The following FAAH2 variants were observed in gnomAD, a reference collection of about 807,000 sequenced individuals.
FAAH2 encodes fatty acid amide hydrolase 2.
A neutral mutation model predicts 36.9 loss-of-function variants in FAAH2; 60 were observed. The ratio of observed to expected loss-of-function variants is 1.63; its 90% CI spans 1.32 to 2.02. The LOEUF is 2.02. Ranked by LOEUF, FAAH2 falls within the 30% of genes most tolerant of loss-of-function variation. The pLI is 0.00. For synonymous variants in FAAH2, 214 were observed against 143.8 expected, an observed-to-expected ratio of 1.49 and a Z score of -3.49; for missense variants, 689 against 397.5, an observed-to-expected ratio of 1.73 and a Z score of -6.23.
chrX:57,301,126 G>A (rs1193352299), intron 2 of FAAH2, among the ~76,000 whole-genome samples: 1 of 108,543 alleles, frequency 9.2e-6, no homozygotes, highest in Admixed American at 9.9e-5. Context: ...ATACCCAAAG[G>A]ATTATAAATC....
chrX:57,340,684 T>C lies in FAAH2; in HGVS notation c.623-587T>C, dbSNP rs763736350. On this transcript the variant is annotated intron_variant, in intron 4 of 10. Coordinates refer to ENST00000374900, the MANE Select transcript of FAAH2 (RefSeq NM_174912.4). Reference sequence around the variant, plus strand: ...GAAGCCATTATTCTCAGTAAACGAATGCAGGGATAGAAAAGCAAACACAGC... The same window carrying C: ...GAAGCCATTATTCTCAGTAAACGAACGCAGGGATAGAAAAGCAAACACAGC... 4.5e-5 allele frequency among the ~76,000 whole-genome samples: 5 copies of C among 111,777 alleles called. No individual in the cohort carries two copies. In the South Asian group the frequency reaches 1.9e-3, roughly 42 times the overall value.
intron 10 of FAAH2, among the ~76,000 whole-genome samples, chrX:57,468,260 G>A (rs757785260): frequency 4.5e-5 from 5 of 112,058 alleles, no homozygotes; most frequent in South Asian, 7.4e-4. Context: ...TGACTTTGAC[G>A]AGTTGAGAGA....
intron 5 of FAAH2, among the ~76,000 whole-genome samples, chrX:57,351,397 C>T (rs764486452): frequency 9.0e-6 from 1 of 111,032 alleles, no homozygotes; most frequent in African/African-American, 3.2e-5. Context: ...ACAAAGATTA[C>T]AAAGTAACAA....
intron 7 of FAAH2, among the ~76,000 whole-genome samples, chrX:57,428,099 A>G (rs1387252974): frequency 8.9e-6 from 1 of 112,038 alleles, no homozygotes; most frequent in African/African-American, 3.2e-5. Context: ...TTTACCAGTA[A>G]TAATCAAGCT....
At chrX:57,399,909 T>G (rs1237980001) in intron 7 of FAAH2, among the ~76,000 whole-genome samples, 1 of 112,081 alleles carries the variant, frequency 8.9e-6, no homozygotes, top group Non-Finnish European at 1.9e-5. Context: ...CTTTCAAGTA[T>G]TCCATTATCA....
chrX:57,138,262 C>T, the FAAH2 span, among the ~76,000 whole-genome samples: 1 of 111,070 alleles, frequency 9.0e-6, no homozygotes, highest in Non-Finnish European at 1.9e-5. Flanking sequence ...TGAAAATAAT[C>T]AACAATATTA....
the FAAH2 span, among the ~76,000 whole-genome samples, chrX:57,174,207 G>A: frequency 4.6e-5 from 5 of 108,619 alleles, no homozygotes; most frequent in South Asian, 3.9e-4. Flanking sequence ...CTCTAGCCCC[G>A]AGATTTTTTT....
chrX:57,334,268 T>TCACA (rs60873866), intron 4 of FAAH2, among the ~76,000 whole-genome samples: 1,057 of 85,712 alleles, frequency 0.012, 11 homozygotes, highest in African/African-American at 0.025. Context: ...AGATTCCGTC[T>TCACA]CACACACACA....
At chrX:57,395,202 A>C (rs755830776) in intron 7 of FAAH2, 1 of 540,306 alleles carries the variant, frequency 1.9e-6, no homozygotes, top group African/African-American at 2.3e-5. Flanking sequence ...TTGGTAACTT[A>C]ATGTCAGTGG....
At chrX:57,152,006 C>T in the FAAH2 span, among the ~76,000 whole-genome samples, 1 of 111,901 alleles carries the variant, frequency 8.9e-6, no homozygotes, top group Non-Finnish European at 1.9e-5. Flanking sequence ...TTGGAGTTTG[C>T]TACAGGTCCA....
intron 2 of FAAH2, among the ~76,000 whole-genome samples, chrX:57,301,927 G>A (rs1364013413): frequency 1.8e-5 from 2 of 112,062 alleles, no homozygotes; most frequent in Non-Finnish European, 1.9e-5. Flanking sequence ...GCTCCTGAAT[G>A]CAGTTTCGTC....
At chrX:57,178,664 G>T in the FAAH2 span, among the ~76,000 whole-genome samples, 3 of 111,955 alleles carry the variant, frequency 2.7e-5, no homozygotes, top group Non-Finnish European at 3.8e-5. Context: ...CCTAGTTGCT[G>T]GGGTAATATT....
chrX:57,318,753 A>T (rs1254092853), intron 3 of FAAH2, among the ~76,000 whole-genome samples: 1 of 112,182 alleles, frequency 8.9e-6, no homozygotes, highest in Non-Finnish European at 1.9e-5. Flanking sequence ...CTTGATGAAC[A>T]TCTATGCAAA....
intron 7 of FAAH2, among the ~76,000 whole-genome samples, chrX:57,386,650 A>G (rs1283401118): frequency 8.9e-6 from 1 of 112,187 alleles, no homozygotes; most frequent in Non-Finnish European, 1.9e-5. Flanking sequence ...CAAATTCTCT[A>G]GCCAATTTAA....
At chrX:57,170,599 C>A in the FAAH2 span, among the ~76,000 whole-genome samples, 8 of 110,970 alleles carry the variant, frequency 7.2e-5, no homozygotes, top group African/African-American at 2.6e-4. Flanking sequence ...CTACACTCTG[C>A]CTTCTGAGTC....
chrX:57,446,808 C>T (rs2056684292), intron 8 of FAAH2, 120 bp from the exon 9 acceptor site: 1 of 433,088 alleles, frequency 2.3e-6, no homozygotes, highest in Non-Finnish European at 3.9e-6. Context: ...ATGTATTCAT[C>T]AATTGACTGG....
chrX:57,403,659 G>T (rs1418295580), intron 7 of FAAH2, among the ~76,000 whole-genome samples: 1 of 112,497 alleles, frequency 8.9e-6, no homozygotes, highest in African/African-American at 3.2e-5. Context: ...CAGCTCGCAC[G>T]TTTGAGCAGA....
chrX:57,237,633 C>T, the FAAH2 span, among the ~76,000 whole-genome samples: 1 of 110,374 alleles, frequency 9.1e-6, no homozygotes, highest in African/African-American at 3.3e-5. Flanking sequence ...GCAACAAAAA[C>T]AAAAATTGAC....
chrX:57,193,762 T>G, the FAAH2 span, among the ~76,000 whole-genome samples: 1 of 112,101 alleles, frequency 8.9e-6, no homozygotes, highest in Non-Finnish European at 1.9e-5. Flanking sequence ...ATCAAATATC[T>G]TTTCAGCATC....
Sources: gnomAD v4.1 joint callset for allele counts (sites outside exome capture counted in the v4.1 genomes callset) on GRCh38, gnomAD v4.1.1 for gene constraint, MANE v1.5 for transcripts, NCBI Gene and HGNC (gene_info 2026-07-23, HGNC 2026-07-21) for gene names.